Variants in P2RY2 observed in about 807,000 individuals in gnomAD.
P2RY2 encodes P2Y purinoceptor 2.
For missense variants in P2RY2, 567 were observed against 515.7 expected, an observed-to-expected ratio of 1.10 and a Z score of -0.96; for synonymous variants, 241 against 231.9, an observed-to-expected ratio of 1.04 and a Z score of -0.35.
rs1862645788 is a variant in P2RY2 at position 73,236,101 on chromosome 11, C to G, written c.*808C>G. 2 of 998,640 alleles carry G rather than the reference C, an allele frequency of 2.0e-6. No homozygotes were observed. Among genetic ancestry groups the G allele is most frequent in the African/African-American group, 3.5e-5 (2 of 57,172 alleles). The allele number at this position is 998,640 out of a possible 1,614,324, so 61.9% of individuals were successfully genotyped here. A position where few individuals can be genotyped will look rare whatever the true frequency, so the allele number is the denominator to read the frequency against. On this transcript the variant is annotated 3_prime_UTR_variant, in exon 3 of 3. Coordinates refer to ENST00000393597, the MANE Select transcript of P2RY2 (RefSeq NM_002564.4). ...TCCTCTCTCCAGGCCCCAGGTCATC[C>G]CCCACTGTAAAGCCAGTTGGCTTCT...
At position 73,236,825 on chromosome 11, in the gene P2RY2, T is replaced by C. The variant is rs1038594413; in HGVS notation, c.*1532T>C. On this transcript the variant is annotated 3_prime_UTR_variant, in exon 3 of 3. Transcript: ENST00000393597. The stretch of plus-strand genomic sequence containing the variant: ...TGGGGGAGATGGGTCTCACCTATGA[T>C]AGGTTCTGAGTCTAGCCAGGACCAC... 2.0e-6 allele frequency: 2 copies of C among 985,398 alleles called. No homozygotes were observed. Among genetic ancestry groups the C allele is most frequent in the Middle Eastern group, 5.2e-4 (1 of 1,914 alleles). The allele number at this position is 985,398 out of a possible 1,614,324, so 61.0% of individuals were successfully genotyped here. A position where few individuals can be genotyped will look rare whatever the true frequency, so the allele number is the denominator to read the frequency against.
chr11:73,229,822 C>CG (rs1398414509), intron 2 of P2RY2, among the ~76,000 whole-genome samples: 1 of 151,970 alleles, frequency 6.6e-6, no homozygotes, highest in African/African-American at 2.4e-5. Context: ...GGCCTCGGCA[C>CG]GGGGGCAGAA....
rs1348440139 is a variant in P2RY2 at position 73,241,942 on chromosome 11, G to A, written c.*6649G>A. On this transcript the variant is annotated 3_prime_UTR_variant, in exon 3 of 3. Coordinates refer to ENST00000393597, the MANE Select transcript of P2RY2 (RefSeq NM_002564.4). ...CTCTGACTGATACCCTGGTCTCCCT[G>A]AGTGATTTTCCTGCACACCCTGCTG... The A allele has an allele frequency of 6.6e-6, 1 of 152,274 alleles. No individual in the cohort carries two copies. Among genetic ancestry groups the A allele is most frequent in the African/African-American group, 2.4e-5 (1 of 41,408 alleles). The allele number at this position is 152,274 out of a possible 1,614,324, so 9.4% of individuals were successfully genotyped here. A position where few individuals can be genotyped will look rare whatever the true frequency, so the allele number is the denominator to read the frequency against.
Position 73,238,154 on chromosome 11 carries a change from A to T in P2RY2, c.*2861A>T, listed in dbSNP as rs1464603759. Among the ~76,000 whole-genome samples, 1 of 152,134 alleles carries T rather than the reference A, an allele frequency of 6.6e-6. No homozygotes were observed. The highest frequency in any genetic ancestry group is 1.5e-5 in the Non-Finnish European group (1 of 68,036). ...CTGGATGTAAGCAAGTGCCTTGGTG[A>T]CGATCCTGCTGTCACTCACACTGCC... On this transcript the variant is annotated 3_prime_UTR_variant, in exon 3 of 3. Transcript: ENST00000393597.
Position 73,235,914 on chromosome 11 carries a change from A to G in P2RY2, c.*621A>G. On this transcript the variant is annotated 3_prime_UTR_variant, in exon 3 of 3. Transcript: ENST00000393597. ...CCAGTGTGAGGCTGTAACTTATACT[A>G]AAGGTTGTGTTGCCTGCTGAGCTGT... The G allele has an allele frequency of 7.0e-6, 7 of 1,000,308 alleles. No individual in the cohort carries two copies. The highest frequency in any genetic ancestry group is 8.4e-6 in the Non-Finnish European group (7 of 830,030). The allele number at this position is 1,000,308 out of a possible 1,614,324, so 62.0% of individuals were successfully genotyped here. A position where few individuals can be genotyped will look rare whatever the true frequency, so the allele number is the denominator to read the frequency against.
rs1565142915 is a variant in P2RY2 at position 73,234,247 on chromosome 11, G to A, written c.88G>A (p.Asp30Asn). 4 of 1,614,232 alleles carry A rather than the reference G, an allele frequency of 2.5e-6. No homozygotes were observed. The highest frequency in any genetic ancestry group is 3.4e-6 in the Non-Finnish European group (4 of 1,180,044). The change falls in exon 3 of 3, where the codon GAC (aspartate) becomes AAC (asparagine). Residue 30 changes from aspartate to asparagine, a missense_variant. Asp to Asn is a conservative substitution (Grantham distance 23). Coordinates refer to ENST00000393597, the MANE Select transcript of P2RY2 (RefSeq NM_002564.4). ...GGGCTACAGGTGCCGCTTCAACGAG[G>A]ACTTCAAGTACGTGCTGCTGCCTGT... ...ELGYRCRFNE[D>N]FKYVLLPVSY... is the part of the protein sequence containing the mutation.
intron 1 of P2RY2, among the ~76,000 whole-genome samples, chr11:73,226,597 G>A (rs1287116157): frequency 2.0e-5 from 3 of 152,050 alleles, no homozygotes; most frequent in East Asian, 3.9e-4. Context: ...TGGGAACCTG[G>A]GCTCAGCTGT....
chr11:73,220,666 A>C (rs1005108131), intron 1 of P2RY2, among the ~76,000 whole-genome samples: 22 of 152,194 alleles, frequency 1.4e-4, no homozygotes, highest in Admixed American at 1.2e-3. Context: ...GCTCTGGCAC[A>C]AAAGGCTTGT....
rs775764023 is a variant in P2RY2 at position 73,234,241 on chromosome 11, A to C, written c.82A>C (p.Asn28His). The C allele has an allele frequency of 6.2e-7, 1 of 1,614,168 alleles. No individual in the cohort carries two copies. The highest frequency in any genetic ancestry group is 1.1e-5 in the South Asian group (1 of 91,084). ...TGAGCTGGGCTACAGGTGCCGCTTC[A>C]ACGAGGACTTCAAGTACGTGCTGCT... ...GDELGYRCRF[N>H]EDFKYVLLPV... Residue 28 changes from asparagine (N) to histidine (H), a missense_variant, in exon 3 of 3, where the codon AAC becomes CAC. By Grantham distance (68) the Asn-to-His change is moderately conservative (BLOSUM62 1). Transcript: ENST00000393597.
In P2RY2 at chr11:73,228,181, T is replaced by G. The variant is rs10898908; in HGVS notation, c.-5+6T>G. 3 of 101,124 alleles carry G rather than the reference T, an allele frequency of 3.0e-5. No homozygotes were observed. The highest frequency in any genetic ancestry group is 5.2e-5 in the Non-Finnish European group (3 of 57,534). 6.3% of individuals were successfully genotyped at this position (101,124 alleles called of 1,614,324 possible). ...GGAGAGCAGGGGCTGGTCAGGTACG[T>G]GGGGTGGGGGTGGGGGGGAGCGGGT... On this transcript the variant is annotated splice_donor_region_variant and intron_variant, in intron 2 of 2. Coordinates refer to ENST00000393597, the MANE Select transcript of P2RY2 (RefSeq NM_002564.4).
chr11:73,229,735 A>G (rs564743860), intron 2 of P2RY2, among the ~76,000 whole-genome samples: 22 of 152,270 alleles, frequency 1.4e-4, no homozygotes, highest in African/African-American at 5.1e-4. Context: ...AGTGTCAGAG[A>G]TTCCACTGTT....
intron 1 of P2RY2, among the ~76,000 whole-genome samples, chr11:73,226,216 A>G (rs1289514936): frequency 6.6e-6 from 1 of 152,126 alleles, no homozygotes; most frequent in Non-Finnish European, 1.5e-5. Flanking sequence ...GCTGTATCAG[A>G]GGTTTGAAAC....
rs1250609832 is a variant in P2RY2 at position 73,241,158 on chromosome 11, G to C, written c.*5865G>C. The C allele has an allele frequency of 6.6e-6, 1 of 152,202 alleles. No homozygotes were observed. The highest frequency in any genetic ancestry group is 6.5e-5 in the Admixed American group (1 of 15,284). The allele number at this position is 152,202 out of a possible 1,614,324, so 9.4% of individuals were successfully genotyped here. Reference sequence around the variant, plus strand: ...CCCTCACCAGATCCCAACCATGCTGGCACCCCGATCTTAGACTTCCAGTCT... The same window carrying C: ...CCCTCACCAGATCCCAACCATGCTGCCACCCCGATCTTAGACTTCCAGTCT... On this transcript the variant is annotated 3_prime_UTR_variant, in exon 3 of 3. Transcript: ENST00000393597.
At chr11:73,225,232 G>T (rs1862244902) in intron 1 of P2RY2, among the ~76,000 whole-genome samples, 1 of 152,240 alleles carries the variant, frequency 6.6e-6, no homozygotes, top group Non-Finnish European at 1.5e-5. Flanking sequence ...TGGAAATTCT[G>T]CAGTGGCCTG....
intron 2 of P2RY2, among the ~76,000 whole-genome samples, chr11:73,232,473 A>G (rs943627238): frequency 2.6e-5 from 4 of 152,022 alleles, no homozygotes; most frequent in Admixed American, 6.6e-5. Context: ...GTACAGTGGC[A>G]TGATTTTAGC....
chr11:73,229,822 C>T (rs949060129), intron 2 of P2RY2, among the ~76,000 whole-genome samples: 13 of 151,970 alleles, frequency 8.6e-5, no homozygotes, highest in Admixed American at 5.9e-4. Context: ...GGCCTCGGCA[C>T]GGGGGCAGAA....
chr11:73,225,573 G>T (rs1790077), intron 1 of P2RY2, among the ~76,000 whole-genome samples: 30,325 of 152,212 alleles, frequency 0.2, 3,120 homozygotes, highest in Middle Eastern at 0.27. Flanking sequence ...GCAGCTTCCT[G>T]GGAGAGGGCC....
chr11:73,222,739 A>T (rs913991510), intron 1 of P2RY2, among the ~76,000 whole-genome samples: 2 of 152,034 alleles, frequency 1.3e-5, no homozygotes, highest in Admixed American at 1.3e-4. Context: ...TCCAGCTCAG[A>T]TGACCCCTCC....
chr11:73,231,314 G>A (rs1345645160), intron 2 of P2RY2, among the ~76,000 whole-genome samples: 4 of 151,732 alleles, frequency 2.6e-5, no homozygotes, highest in African/African-American at 9.7e-5. Context: ...AGGAGGCCGA[G>A]GTGGGTGGAT....
Sources: allele counts gnomAD v4.1 joint callset (sites outside exome capture counted in the v4.1 genomes callset), GRCh38; gene constraint gnomAD v4.1.1; transcripts MANE v1.5; gene names NCBI Gene and HGNC (gene_info 2026-07-23, HGNC 2026-07-21).